The following RPS6KA1 variants were observed in gnomAD, a reference collection of about 807,000 sequenced individuals.
RPS6KA1 encodes the protein ribosomal protein S6 kinase A1.
A neutral mutation model predicts 91.3 loss-of-function variants in RPS6KA1; 48 were observed. The observed-to-expected ratio is 0.53, with a 90% CI of 0.42 to 0.67. The LOEUF (loss-of-function observed/expected upper bound fraction) is 0.67, where lower values mean the gene tolerates loss of function less well. RPS6KA1 is among the 30% of genes least tolerant of loss of function. RPS6KA1 has a pLI of 0.00. For missense variants in RPS6KA1, 719 were observed against 960.5 expected, an observed-to-expected ratio of 0.75 and a Z score of 3.32; for synonymous variants, 359 against 384.7, an observed-to-expected ratio of 0.93 and a Z score of 0.78.
rs1220987994 is a variant in RPS6KA1, at chr1:26,554,089, A to G, written c.576-125A>G. ...TGCTACCACCCTGCAACACCCGCCC[A>G]GTCATCAGAGAGAATTGGGTGGAGC... On this transcript the variant is annotated intron_variant, in intron 7 of 21. Transcript: ENST00000374168. This position sits in a 1 kb window ranked among gnomAD's most constrained non-coding sequence, Gnocchi z 4.6. The G allele has an allele frequency of 1.0e-6, 1 of 962,716 alleles. No homozygotes were observed. The highest frequency in any genetic ancestry group is 1.5e-6 in the Non-Finnish European group (1 of 648,546). The allele number at this position is 962,716 out of a possible 1,614,324, so 59.6% of individuals were successfully genotyped here.
Position 26,574,312 on chromosome 1 carries a change from C to CTGGCAGCTTCCCCGGCCCCT in RPS6KA1, c.*111_*112insTGGCAGCTTCCCCGGCCCCT. 7.1e-7 allele frequency: 1 copy of CTGGCAGCTTCCCCGGCCCCT among 1,402,666 alleles called. No homozygotes were observed. The highest frequency in any genetic ancestry group is 1.0e-6 in the Non-Finnish European group (1 of 989,560). The allele number at this position is 1,402,666 out of a possible 1,614,324, so 86.9% of individuals were successfully genotyped here. A position where few individuals can be genotyped will look rare whatever the true frequency, so the allele number is the denominator to read the frequency against. On this transcript the variant is annotated 3_prime_UTR_variant, in exon 22 of 22. Transcript: ENST00000374168. This position sits in a 1 kb window ranked among gnomAD's most constrained non-coding sequence, Gnocchi z 4.3. ...CCAGAGGGAGCTGGAACCCGAGGGG[C>CTGGCAGCTTCCCCGGCCCCT]CGGGGAAGCTGCCAGCCCAGAACAC...
intron 12 of RPS6KA1, 59 bp from the exon 13 acceptor site, chr1:26,556,939 G>A: frequency 7.4e-7 from 1 of 1,357,514 alleles, no homozygotes; most frequent in Non-Finnish European, 1.1e-6. Flanking sequence ...TCCTGCATGG[G>A]GCTCCTGGTG....
chr1:26,573,721 C>T (rs1414028126), intron 21 of RPS6KA1, among the ~76,000 whole-genome samples: 19 of 152,004 alleles, frequency 1.2e-4, no homozygotes, highest in Admixed American at 5.9e-4. Flanking sequence ...GGGTGGATCA[C>T]GAGGTCAGGA....
rs1182900783 is a variant in RPS6KA1, at chr1:26,571,882, G to A, written c.1786G>A (p.Asp596Asn). 2 of 1,611,452 alleles carry A rather than the reference G, an allele frequency of 1.2e-6. No homozygotes were observed. Among genetic ancestry groups the A allele is most frequent in the Non-Finnish European group, 1.7e-6 (2 of 1,179,984 alleles). The change falls in exon 19 of 22, where the codon GAC becomes AAC. Residue 596 changes from aspartate to asparagine, a missense_variant. Transcript: ENST00000374168. The surrounding 1 kb of genome is among the most constrained non-coding windows in gnomAD (Gnocchi z 5.1). ...GCGCCAGGGCTACGATGAAGGCTGC[G>A]ACATCTGGAGCCTGGGCATTCTGCT... is the stretch of plus-strand genomic sequence containing the variant. ...LKRQGYDEGC[D>N]IWSLGILLYT...
In RPS6KA1 at chr1:26,567,264, G is replaced by A. The variant is rs563112644; in HGVS notation, c.1591-4185G>A. ...TGGCCTCAAACTCCTGGGCTCAAGC[G>A]ATTCTCCCACCTCAGCCTCCCAAAC... On this transcript the variant is annotated intron_variant, in intron 17 of 21. Coordinates refer to ENST00000374168, the MANE Select transcript of RPS6KA1 (RefSeq NM_002953.4). 3.3e-5 allele frequency among the ~76,000 whole-genome samples: 5 copies of A among 152,126 alleles called. No individual in the cohort carries two copies. The South Asian group carries it at 6.2e-4, about 19-fold the overall frequency.
intron 6 of RPS6KA1, among the ~76,000 whole-genome samples, chr1:26,552,503 T>TC (rs1217327805): frequency 6.7e-6 from 1 of 150,002 alleles, no homozygotes; most frequent in East Asian, 2.0e-4. Context: ...TTTTTTTTTT[T>TC]CAGATGGAGT....
In RPS6KA1 at chr1:26,571,327, T is replaced by G; in HGVS notation, c.1591-122T>G. On this transcript the variant is annotated intron_variant, in intron 17 of 21. Coordinates refer to ENST00000374168, the MANE Select transcript of RPS6KA1 (RefSeq NM_002953.4). The surrounding 1 kb of genome is among the most constrained non-coding windows in gnomAD (Gnocchi z 5.1). Reference sequence around the variant, plus strand: ...TTCAGCCCCTTCCCCTTCTCTCGGATGCCAAGTCCATGCACCCGTCCCTCT... The same window carrying G: ...TTCAGCCCCTTCCCCTTCTCTCGGAGGCCAAGTCCATGCACCCGTCCCTCT... 4 of 867,056 alleles carry G rather than the reference T, an allele frequency of 4.6e-6. No homozygotes were observed. Among genetic ancestry groups the G allele is most frequent in the Non-Finnish European group, 7.3e-6 (4 of 547,920 alleles). The allele number at this position is 867,056 out of a possible 1,614,324, so 53.7% of individuals were successfully genotyped here.
At chr1:26,533,951 T>G (rs1416115075) in intron 1 of RPS6KA1, among the ~76,000 whole-genome samples, 4 of 152,142 alleles carry the variant, frequency 2.6e-5, no homozygotes, top group Non-Finnish European at 5.9e-5. Flanking sequence ...GGGCTGCCTG[T>G]TCCCTTACTC....
At chr1:26,573,021 C>A (rs2076262902) in intron 20 of RPS6KA1, among the ~76,000 whole-genome samples, 1 of 152,166 alleles carries the variant, frequency 6.6e-6, no homozygotes, top group Non-Finnish European at 1.5e-5. Flanking sequence ...TGTTCCAGGA[C>A]GAAGGGCCTA....
At chr1:26,573,156 C>G in intron 20 of RPS6KA1, 68 bp from the exon 21 acceptor site, 3 of 1,537,620 alleles carry the variant, frequency 2.0e-6, no homozygotes, top group Non-Finnish European at 2.7e-6. Context: ...TGGTTGCCCT[C>G]CTGTGCCCCA....
Position 26,551,801 on chromosome 1 carries a change from C to A in RPS6KA1, c.468+78C>A. The A allele has an allele frequency of 7.7e-7, 1 of 1,306,436 alleles. No individual in the cohort carries two copies. Among genetic ancestry groups the A allele is most frequent in the Non-Finnish European group, 1.1e-6 (1 of 904,296 alleles). 80.9% of individuals were successfully genotyped at this position (1,306,436 alleles called of 1,614,324 possible). A position where few individuals can be genotyped will look rare whatever the true frequency, so the allele number is the denominator to read the frequency against. ...AGTCCTCCCATCCCAGGGCCCTGTA[C>A]AGAATGTGTTTGGTATGGCTTGAAC... On this transcript the variant is annotated intron_variant, in intron 6 of 21. Coordinates refer to ENST00000374168, the MANE Select transcript of RPS6KA1 (RefSeq NM_002953.4). This position sits in a 1 kb window ranked among gnomAD's most constrained non-coding sequence, Gnocchi z 4.5.
At chr1:26,560,358 G>A (rs1048153005) in intron 14 of RPS6KA1, among the ~76,000 whole-genome samples, 80 of 152,346 alleles carry the variant, frequency 5.3e-4, no homozygotes, top group African/African-American at 1.8e-3. Context: ...ACTCAAAGCC[G>A]TACTTAGTGG....
chr1:26,533,633 G>A (rs1195978569), intron 1 of RPS6KA1, among the ~76,000 whole-genome samples: 10 of 152,142 alleles, frequency 6.6e-5, no homozygotes, highest in East Asian at 1.9e-4. Context: ...TGAACCCAGC[G>A]GGGCAGAGGT....
chr1:26,563,481 C>A (rs1403886466), intron 17 of RPS6KA1, among the ~76,000 whole-genome samples: 16 of 152,184 alleles, frequency 1.1e-4, no homozygotes, highest in Admixed American at 3.3e-4. Context: ...CCCACCTTGG[C>A]CTCCCAAAGT....
intron 2 of RPS6KA1, among the ~76,000 whole-genome samples, chr1:26,542,624 G>T (rs74062508): frequency 8.1e-4 from 123 of 152,336 alleles, no homozygotes; most frequent in African/African-American, 2.5e-3. Context: ...CCATCCTGGG[G>T]CTTGGGACTG....
At position 26,572,264 on chromosome 1, in the gene RPS6KA1, A is replaced by C; in HGVS notation, c.1918A>C (p.Asn640His). The change falls in exon 20 of 22, where the codon AAT becomes CAT. Residue 640 changes from asparagine to histidine, a missense_variant. Asn to His is a moderately conservative substitution (Grantham distance 68). Coordinates refer to ENST00000374168, the MANE Select transcript of RPS6KA1 (RefSeq NM_002953.4). ...TGGGAAGTTTACCCTCAGTGGGGGA[A>C]ATTGGAACACAGTTTCAGAGACAGC... is the stretch of plus-strand genomic sequence containing the variant. Reference protein sequence around the residue: ...GSGKFTLSGGNWNTVSETAKD... With the variant: ...GSGKFTLSGGHWNTVSETAKD... 6.2e-7 allele frequency: 1 copy of C among 1,613,726 alleles called. No individual in the cohort carries two copies. Among genetic ancestry groups the C allele is most frequent in the Non-Finnish European group, 8.5e-7 (1 of 1,179,790 alleles).
chr1:26,546,972 T>A lies in RPS6KA1; in HGVS notation c.214T>A (p.Ser72Thr). 2 of 1,613,798 alleles carry A rather than the reference T, an allele frequency of 1.2e-6. No individual in the cohort carries two copies. Among genetic ancestry groups the A allele is most frequent in the Non-Finnish European group, 1.7e-6 (2 of 1,179,686 alleles). Residue 72 changes from serine to threonine, a missense_variant, in exon 3 of 22, where the codon TCC becomes ACC. By Grantham distance (58) the Ser-to-Thr change is moderately conservative (BLOSUM62 1). Coordinates refer to ENST00000374168, the MANE Select transcript of RPS6KA1 (RefSeq NM_002953.4). ...FELLKVLGQG[S>T]FGKVFLVRKV... ...GCTCCTCAAGGTTCTGGGCCAGGGA[T>A]CCTTTGGCAAAGTGAGTCATGAGCC...
At chr1:26,553,064 T>C (rs558269927) in intron 6 of RPS6KA1, among the ~76,000 whole-genome samples, 4 of 152,322 alleles carry the variant, frequency 2.6e-5, no homozygotes, top group African/African-American at 9.6e-5. Flanking sequence ...GCTCACTCCA[T>C]GTCAGAACAC....
intron 17 of RPS6KA1, among the ~76,000 whole-genome samples, chr1:26,563,347 C>A (rs1308496470): frequency 6.6e-6 from 1 of 152,054 alleles, no homozygotes; most frequent in Non-Finnish European, 1.5e-5. Context: ...CCCACTTCAG[C>A]CTCCCAAATA....
Sources: gnomAD v4.1 joint callset for allele counts (sites outside exome capture counted in the v4.1 genomes callset) on GRCh38, gnomAD v4.1.1 for gene constraint, Gnocchi (gnomAD v3.1) non-coding constraint, MANE v1.5 for transcripts, NCBI Gene and HGNC (gene_info 2026-07-23, HGNC 2026-07-21) for gene names.